PTPRO: variants seen among roughly 807,000 people sequenced by gnomAD.
PTPRO encodes the protein protein tyrosine phosphatase receptor type O, also known as receptor-type tyrosine-protein phosphatase O.
A neutral mutation model predicts 145.2 loss-of-function variants in PTPRO; 62 were observed. That is an observed-to-expected ratio of 0.43 (90% CI 0.35 to 0.53). The LOEUF (loss-of-function observed/expected upper bound fraction) is 0.53. PTPRO is among the 20% of genes least tolerant of loss of function. The pLI is 0.01. For missense variants in PTPRO, 1,345 were observed against 1,482.7 expected, an observed-to-expected ratio of 0.91 and a Z score of 1.53; for synonymous variants, 565 against 514.7, an observed-to-expected ratio of 1.10 and a Z score of -1.32.
At chr12:15,537,005 G>A (rs1384057580) in intron 12 of PTPRO, among the ~76,000 whole-genome samples, 5 of 152,140 alleles carry the variant, frequency 3.3e-5, no homozygotes, top group Non-Finnish European at 7.4e-5. Flanking sequence ...CTTAGATGTT[G>A]TCTATGAATG....
At chr12:15,560,743 C>T (rs1479494754) in intron 17 of PTPRO, among the ~76,000 whole-genome samples, 2 of 152,022 alleles carry the variant, frequency 1.3e-5, no homozygotes, top group Non-Finnish European at 2.9e-5. Flanking sequence ...ACGCAAGCCT[C>T]TTTGTATGAT....
intron 1 of PTPRO, among the ~76,000 whole-genome samples, chr12:15,443,258 A>C (rs1940817479): frequency 6.6e-6 from 1 of 152,208 alleles, no homozygotes; most frequent in Non-Finnish European, 1.5e-5. Flanking sequence ...CCTATTCAGC[A>C]ATAAATAGGA....
At chr12:15,468,047 C>T (rs1369496870) in intron 1 of PTPRO, among the ~76,000 whole-genome samples, 1 of 152,174 alleles carries the variant, frequency 6.6e-6, no homozygotes, top group East Asian at 1.9e-4. Flanking sequence ...TCATCTTATA[C>T]CCTTTTTTTA....
intron 1 of PTPRO, among the ~76,000 whole-genome samples, chr12:15,432,064 A>G (rs1316771762): frequency 1.3e-5 from 2 of 152,132 alleles, no homozygotes; most frequent in Admixed American, 1.3e-4. Context: ...CACTCATGTC[A>G]TGGGGGTTTA....
chr12:15,510,748 T>C (rs1198687690), intron 7 of PTPRO, among the ~76,000 whole-genome samples: 1 of 152,052 alleles, frequency 6.6e-6, no homozygotes, highest in African/African-American at 2.4e-5. Flanking sequence ...ACCACTATAG[T>C]CCATTATGCC....
chr12:15,502,253 G>A (rs1290938320), intron 5 of PTPRO, among the ~76,000 whole-genome samples, 190 bp downstream of exon 5: 1 of 152,110 alleles, frequency 6.6e-6, no homozygotes, highest in Non-Finnish European at 1.5e-5. Flanking sequence ...GAATAGACTG[G>A]ATAAGAATCA....
intron 1 of PTPRO, among the ~76,000 whole-genome samples, chr12:15,471,684 G>A (rs1313167037): frequency 6.6e-6 from 1 of 152,100 alleles, no homozygotes; most frequent in East Asian, 1.9e-4. Flanking sequence ...CCTAACTCCT[G>A]TCTTCCTCTT....
At chr12:15,538,311 G>A (rs1943108037) in intron 12 of PTPRO, among the ~76,000 whole-genome samples, 1 of 151,332 alleles carries the variant, frequency 6.6e-6, no homozygotes, top group Non-Finnish European at 1.5e-5. Flanking sequence ...TGCAACCTCT[G>A]CCTCCCAGGT....
At chr12:15,448,169 C>T (rs1371363569) in intron 1 of PTPRO, among the ~76,000 whole-genome samples, 1 of 151,822 alleles carries the variant, frequency 6.6e-6, no homozygotes, top group Non-Finnish European at 1.5e-5. Context: ...CCAAACATTA[C>T]ATACATATGT....
Position 15,499,437 on chromosome 12 carries a change from CA to C in PTPRO, c.509-4del. The stretch of plus-strand genomic sequence containing the variant: ...TTTTTCATGTAATTGATTTTCTCTT[CA>C]CAGATTTCTTTAAGGGAAAAACAGT... On this transcript the variant is annotated splice_region_variant and splice_polypyrimidine_tract_variant and intron_variant, in intron 3 of 26. Coordinates refer to ENST00000281171, the MANE Select transcript of PTPRO (RefSeq NM_030667.3). 5 of 1,611,712 alleles carry C rather than the reference CA, an allele frequency of 3.1e-6. No individual in the cohort carries two copies. Among genetic ancestry groups the C allele is most frequent in the Non-Finnish European group, 4.2e-6 (5 of 1,177,950 alleles).
At chr12:15,470,911 G>T (rs982175725) in intron 1 of PTPRO, among the ~76,000 whole-genome samples, 2 of 152,180 alleles carry the variant, frequency 1.3e-5, no homozygotes, top group African/African-American at 2.4e-5. Context: ...TCTTTGGCTA[G>T]CAGGGGTTTA....
At chr12:15,358,823 G>T (rs1450857827) in intron 1 of PTPRO, among the ~76,000 whole-genome samples, 3 of 152,162 alleles carry the variant, frequency 2.0e-5, no homozygotes, top group African/African-American at 7.2e-5. Context: ...GGCCAACATC[G>T]AAAGTTTGTC....
intron 7 of PTPRO, among the ~76,000 whole-genome samples, chr12:15,513,165 G>GA (rs1565675730): frequency 3.7e-5 from 2 of 54,328 alleles, no homozygotes; most frequent in African/African-American, 1.6e-4. Flanking sequence ...GAAAAAGAAA[G>GA]AAAGAAAGAA....
At position 15,501,837 on chromosome 12, in the gene PTPRO, T is replaced by C. The variant is rs533134487; in HGVS notation, c.879T>C (p.Thr293=). ...ATTTTAATAGCAGTGACTATGAAACTACGTCTCAGCCATATTGGTGGGACA... is the reference window on the plus strand; with the variant it reads ...ATTTTAATAGCAGTGACTATGAAACCACGTCTCAGCCATATTGGTGGGACA... ...WPDFNSSDYE[T]TSQPYWWDSA... is the part of the protein sequence containing the mutation. The change falls in exon 5 of 27, where the codon ACT becomes ACC. Residue 293 remains threonine, a synonymous_variant. Transcript: ENST00000281171. 1 of 1,614,052 alleles carries C rather than the reference T, an allele frequency of 6.2e-7. No homozygotes were observed. Among genetic ancestry groups the C allele is most frequent in the East Asian group, 2.2e-5 (1 of 44,844 alleles).
intron 17 of PTPRO, among the ~76,000 whole-genome samples, chr12:15,563,528 A>C (rs908460259): frequency 2.0e-5 from 3 of 152,140 alleles, no homozygotes; most frequent in Admixed American, 2.0e-4. Context: ...GCAAGATCTA[A>C]ATAGAACAAT....
intron 1 of PTPRO, among the ~76,000 whole-genome samples, chr12:15,464,751 C>T (rs971496103): frequency 5.3e-5 from 8 of 152,016 alleles, no homozygotes; most frequent in Admixed American, 1.3e-4. Context: ...TGTAAATTAG[C>T]ATGATATACT....
Position 15,394,578 on chromosome 12 carries a change from CTAA to C in PTPRO, c.75+71781_75+71783del, listed in dbSNP as rs1326663820. 5.9e-5 allele frequency among the ~76,000 whole-genome samples: 9 copies of C among 152,270 alleles called. No homozygotes were observed. The East Asian group carries it at 1.7e-3, about 29-fold the overall frequency. ...AGAATTAATTAGTGTTATGAGGGGACTAATAACTTATGCAAGTCTTAAGTATTT... is the reference window on the plus strand; with the variant it reads ...AGAATTAATTAGTGTTATGAGGGGACTAACTTATGCAAGTCTTAAGTATTT... On this transcript the variant is annotated intron_variant, in intron 1 of 26. Transcript: ENST00000281171.
intron 1 of PTPRO, among the ~76,000 whole-genome samples, chr12:15,335,174 C>T (rs933973573): frequency 2.6e-5 from 4 of 152,048 alleles, no homozygotes; most frequent in African/African-American, 9.7e-5. Context: ...TATAATAATA[C>T]ATATTGACAC....
At chr12:15,480,710 G>C (rs1941759394) in intron 1 of PTPRO, among the ~76,000 whole-genome samples, 2 of 151,874 alleles carry the variant, frequency 1.3e-5, no homozygotes, top group African/African-American at 4.8e-5. Flanking sequence ...CTGGCTATAA[G>C]CTGATGTAGA....
Sources: allele counts gnomAD v4.1 joint callset (sites outside exome capture counted in the v4.1 genomes callset), GRCh38; gene constraint gnomAD v4.1.1; transcripts MANE v1.5; gene names NCBI Gene and HGNC (gene_info 2026-07-23, HGNC 2026-07-21).